MAST2: variants seen among roughly 807,000 people sequenced by gnomAD.
MAST2 encodes microtubule-associated serine/threonine-protein kinase 2.
A neutral mutation model predicts 147.4 loss-of-function variants in MAST2; 70 were observed. The ratio of observed to expected loss-of-function variants is 0.47; its 90% CI spans 0.39 to 0.58. MAST2 has a LOEUF of 0.58. Among genes scored for constraint, MAST2 ranks in the 20% least tolerant of loss-of-function variants. The pLI, the probability that MAST2 is intolerant of heterozygous loss-of-function variation, is 0.00. For synonymous variants in MAST2, 869 were observed against 896.8 expected (o/e 0.97, Z 0.55); for missense variants, 2,080 against 2,302.3 (o/e 0.90, Z 1.98).
intron 2 of MAST2, among the ~76,000 whole-genome samples, chr1:45,825,094 C>G (rs902832777): frequency 6.6e-6 from 1 of 151,884 alleles, no homozygotes; most frequent in South Asian, 2.1e-4. Flanking sequence ...GGTGTGATCT[C>G]GGCTCACTGC....
At chr1:45,894,206 C>G (rs2148425519) in intron 4 of MAST2, among the ~76,000 whole-genome samples, 2 of 147,328 alleles carry the variant, frequency 1.4e-5, no homozygotes, top group African/African-American at 5.2e-5. Flanking sequence ...ACAGTGAGAC[C>G]CTGTCTCAAA....
chr1:45,896,849 A>G (rs1338873109), intron 4 of MAST2, among the ~76,000 whole-genome samples: 2 of 152,222 alleles, frequency 1.3e-5, no homozygotes, highest in African/African-American at 2.4e-5. Flanking sequence ...AGTCCAGTAC[A>G]TCATATTGTA....
chr1:45,941,921 T>C (rs1284214748), intron 4 of MAST2, among the ~76,000 whole-genome samples: 3 of 152,264 alleles, frequency 2.0e-5, no homozygotes, highest in African/African-American at 2.4e-5. Flanking sequence ...CATTCGCTAC[T>C]AGAACAGTTT....
chr1:45,903,126 C>CTTT (rs34621764), intron 4 of MAST2, among the ~76,000 whole-genome samples: 14,766 of 78,838 alleles, frequency 0.19, 2,602 homozygotes, highest in African/African-American at 0.28. Context: ...AAATTTTTGT[C>CTTT]TTTTTTTTTT....
rs1287276716 is a variant in MAST2 at position 45,829,460 on chromosome 1, C to A, written c.347C>A (p.Ser116Tyr). 7 of 1,613,432 alleles carry A rather than the reference C, an allele frequency of 4.3e-6. No homozygotes were observed. The Admixed American group carries it at 8.4e-5, about 19-fold the overall frequency. The change falls in exon 3 of 29, where the codon TCC becomes TAC. Residue 116 changes from serine (S) to tyrosine (Y), a missense_variant. Ser to Tyr is a moderately radical substitution (Grantham distance 144). Transcript: ENST00000361297. ...GAAGGTAAGCAGCTGCTCCCTTTGT[C>A]CAGCAGTGTACATAGCAGTGTGGGA... is the stretch of plus-strand genomic sequence containing the variant. ...SLSGKQLLPL[S>Y]SSVHSSVGQV...
At chr1:45,914,904 A>G (rs1652233385) in intron 4 of MAST2, among the ~76,000 whole-genome samples, 1 of 152,156 alleles carries the variant, frequency 6.6e-6, no homozygotes, top group Admixed American at 6.5e-5. Flanking sequence ...TTTTAAATGG[A>G]GTTTGTAGCT....
At chr1:45,857,767 C>A (rs1224227749) in intron 3 of MAST2, among the ~76,000 whole-genome samples, 1 of 151,438 alleles carries the variant, frequency 6.6e-6, no homozygotes, top group Non-Finnish European at 1.5e-5. Flanking sequence ...GACTCCATGA[C>A]AGGCCCCAGT....
intron 5 of MAST2, among the ~76,000 whole-genome samples, chr1:45,988,613 T>C (rs1169758314): frequency 8.5e-5 from 13 of 152,226 alleles, no homozygotes; most frequent in Non-Finnish European, 1.9e-4. Flanking sequence ...TTGTTGGTAG[T>C]GTTGTTCAAG....
intron 4 of MAST2, among the ~76,000 whole-genome samples, chr1:45,892,486 C>T (rs2148410242): frequency 6.6e-6 from 1 of 152,328 alleles, no homozygotes; most frequent in African/African-American, 2.4e-5. Flanking sequence ...TCTCATTTCA[C>T]TGGATCTTAC....
At chr1:45,973,398 A>G (rs1007269420) in intron 5 of MAST2, among the ~76,000 whole-genome samples, 3 of 152,176 alleles carry the variant, frequency 2.0e-5, no homozygotes, top group Non-Finnish European at 4.4e-5. Context: ...TGTGTCATCT[A>G]GAAACCCCAC....
chr1:45,951,974 C>A (rs1412708614), intron 4 of MAST2, among the ~76,000 whole-genome samples: 1 of 152,064 alleles, frequency 6.6e-6, no homozygotes, highest in South Asian at 2.1e-4. Flanking sequence ...AAAATAAATC[C>A]CCATCTAGAT....
chr1:45,938,444 C>A (rs1486092326), intron 4 of MAST2, among the ~76,000 whole-genome samples: 1 of 152,142 alleles, frequency 6.6e-6, no homozygotes, highest in East Asian at 1.9e-4. Context: ...CTGCCTCAGC[C>A]TCCCAAGTGA....
At chr1:46,026,550 C>G (rs908539095) in intron 16 of MAST2, among the ~76,000 whole-genome samples, 4 of 152,078 alleles carry the variant, frequency 2.6e-5, no homozygotes, top group African/African-American at 4.8e-5. Flanking sequence ...GTTTAGAAAG[C>G]TCACTCTGCC....
intron 1 of MAST2, among the ~76,000 whole-genome samples, chr1:45,807,511 G>A (rs4660316): frequency 1.7e-4 from 25 of 150,920 alleles, no homozygotes; most frequent in African/African-American, 4.9e-4. Flanking sequence ...CATTTCCACC[G>A]TAGACTCATC....
intron 24 of MAST2, 96 bp from the exon 25 acceptor site, chr1:46,032,082 C>G (rs889298980): frequency 1.1e-6 from 1 of 946,080 alleles, no homozygotes; most frequent in Non-Finnish European, 1.7e-6. Flanking sequence ...GGCTCAGGCT[C>G]TGTCTGTGAC....
chr1:46,031,664 G>T lies in MAST2; in HGVS notation c.3187+79G>T. On this transcript the variant is annotated intron_variant, in intron 24 of 28. Coordinates refer to ENST00000361297, the MANE Select transcript of MAST2 (RefSeq NM_015112.3). The surrounding 1 kb of genome is among the most constrained non-coding windows in gnomAD (Gnocchi z 4.1). ...TAGGCCTTGGGAGGGTTCTGCACGT[G>T]GCAGGTGTGTGTGTGTGTGTTAAGC... The T allele has an allele frequency of 7.2e-7, 1 of 1,390,740 alleles. No homozygotes were observed. The highest frequency in any genetic ancestry group is 1.3e-5 in the South Asian group (1 of 75,430). The allele number at this position is 1,390,740 out of a possible 1,614,324, so 86.1% of individuals were successfully genotyped here. A position where few individuals can be genotyped will look rare whatever the true frequency, so the allele number is the denominator to read the frequency against.
At chr1:45,914,259 G>A (rs1212406319) in intron 4 of MAST2, among the ~76,000 whole-genome samples, 2 of 152,224 alleles carry the variant, frequency 1.3e-5, no homozygotes, top group Non-Finnish European at 2.9e-5. Context: ...TGACTAGAGA[G>A]GGTATTGTAT....
At chr1:45,892,953 A>G (rs1648084223) in intron 4 of MAST2, among the ~76,000 whole-genome samples, 1 of 152,224 alleles carries the variant, frequency 6.6e-6, no homozygotes, top group African/African-American at 2.4e-5. Context: ...AGAGAGGGAA[A>G]AATCTTTATG....
intron 3 of MAST2, among the ~76,000 whole-genome samples, chr1:45,850,836 CTTTTTTT>C (rs35427966): frequency 8.8e-6 from 1 of 113,568 alleles, no homozygotes; most frequent in African/African-American, 3.3e-5. Flanking sequence ...CAGTACTATG[CTTTTTTT>C]TTTTTTTTTT....
Sources: gnomAD v4.1 joint callset for allele counts (sites outside exome capture counted in the v4.1 genomes callset) on GRCh38, gnomAD v4.1.1 for gene constraint, Gnocchi (gnomAD v3.1) non-coding constraint, MANE v1.5 for transcripts, NCBI Gene and HGNC (gene_info 2026-07-23, HGNC 2026-07-21) for gene names.